Variants in KCTD19 observed in about 807,000 individuals in gnomAD.
The protein encoded by KCTD19 is BTB/POZ domain-containing protein KCTD19.
KCTD19 carries 67 observed loss-of-function variants against 103.5 expected under a neutral mutation model. The ratio of observed to expected loss-of-function variants is 0.65; its 90% confidence interval spans 0.53 to 0.79. The LOEUF (loss-of-function observed/expected upper bound fraction) is 0.79. Ranked by LOEUF, KCTD19 falls within the 30% of genes least tolerant of loss-of-function variation. The probability of loss-of-function intolerance (pLI) is 0.00; values close to 1 mark genes in which losing one functional copy is unlikely to be tolerated. For synonymous variants in KCTD19, 439 were observed against 452.2 expected (o/e 0.97, Z 0.37); for missense variants, 980 against 1,136.1 (o/e 0.86, Z 1.98).
chr16:67,304,473 C>T lies in KCTD19; in HGVS notation c.399G>A (p.Trp133Ter). Residue 133 changes from tryptophan (W) to a stop codon, truncating the protein, a stop_gained, in exon 3 of 16, where the codon TGG becomes TGA. Coordinates refer to ENST00000304372, the MANE Select transcript of KCTD19 (RefSeq NM_001100915.3). LOFTEE classifies it high-confidence loss of function. ...ATTCTGAGGGTTTGCTAATACACTT[C>T]CATGTACGCCAGTAGTTCAGAGATG... ...ERASLNYWRT[W>*]KCISKPSEFP... The T allele has an allele frequency of 6.2e-7, 1 of 1,614,090 alleles. No homozygotes were observed. Among genetic ancestry groups the T allele is most frequent in the Non-Finnish European group, 8.5e-7 (1 of 1,179,946 alleles).
intron 6 of KCTD19, among the ~76,000 whole-genome samples, chr16:67,298,528 G>A (rs1035648065): frequency 2.6e-5 from 4 of 152,040 alleles, no homozygotes; most frequent in African/African-American, 4.8e-5. Context: ...AGCCTGCCAC[G>A]GTCTTGGAAA....
chr16:67,316,158 C>CA (rs1337579658), intron 2 of KCTD19, among the ~76,000 whole-genome samples: 1 of 152,108 alleles, frequency 6.6e-6, no homozygotes, highest in East Asian at 1.9e-4. Flanking sequence ...CCTCCCACCT[C>CA]AGTCTCCTGA....
rs1386200995 is a variant in KCTD19, at chr16:67,296,322, CTTTGGTTAGTAGTGTA to C, written c.1148-79_1148-64del. ...GCCAGAAGGGAAAGCAGGTAGGGCC[CTTTGGTTAGTAGTGTA>C]TTTCACGTTAAGTCTCAATATCTTT... On this transcript the variant is annotated intron_variant, in intron 7 of 15. Coordinates refer to ENST00000304372, the MANE Select transcript of KCTD19 (RefSeq NM_001100915.3). 7 of 1,006,286 alleles carry C rather than the reference CTTTGGTTAGTAGTGTA, an allele frequency of 7.0e-6. No individual in the cohort carries two copies. In the African/African-American group the frequency reaches 1.1e-4, roughly 16 times the overall value. The allele number at this position is 1,006,286 out of a possible 1,614,324, so 62.3% of individuals were successfully genotyped here.
At position 67,294,072 on chromosome 16, in the gene KCTD19, C is replaced by G; in HGVS notation, c.1690G>C (p.Ala564Pro). Residue 564 changes from alanine (A) to proline (P), a missense_variant, in exon 12 of 16, where the codon GCT becomes CCT. Ala to Pro is a conservative substitution (Grantham distance 27). Coordinates refer to ENST00000304372, the MANE Select transcript of KCTD19 (RefSeq NM_001100915.3). ...NLVRSNQMDE[A>P]EQYTRPIQVS... ...TGGATGGGCCGAGTGTACTGCTCAG[C>G]CTCATCCATCTGGTTGGACCTGACC... 1 of 1,614,196 alleles carries G rather than the reference C, an allele frequency of 6.2e-7. No homozygotes were observed. Among genetic ancestry groups the G allele is most frequent in the Non-Finnish European group, 8.5e-7 (1 of 1,180,036 alleles).
intron 2 of KCTD19, among the ~76,000 whole-genome samples, chr16:67,309,465 T>C (rs1001394535): frequency 6.6e-6 from 1 of 152,112 alleles, no homozygotes; most frequent in Non-Finnish European, 1.5e-5. Context: ...AGAAAGGGTT[T>C]AGCTTGGGTC....
At chr16:67,310,176 C>T (rs2036935502) in intron 2 of KCTD19, among the ~76,000 whole-genome samples, 1 of 152,192 alleles carries the variant, frequency 6.6e-6, no homozygotes, top group Admixed American at 6.5e-5. Flanking sequence ...AACCATTCCC[C>T]AGCCCCTCAC....
intron 2 of KCTD19, among the ~76,000 whole-genome samples, chr16:67,308,514 C>T (rs2036917547): frequency 6.6e-6 from 1 of 152,062 alleles, no homozygotes; most frequent in South Asian, 2.1e-4. Flanking sequence ...GTTTACACCC[C>T]ATCATCAGTG....
intron 4 of KCTD19, chr16:67,302,248 A>C: frequency 3.9e-6 from 1 of 256,216 alleles, no homozygotes; most frequent in Non-Finnish European, 7.6e-6. Context: ...GTCATTCCAA[A>C]AGAGGGAGTT....
intron 15 of KCTD19, among the ~76,000 whole-genome samples, chr16:67,290,541 G>C (rs184260603): frequency 2.0e-5 from 3 of 152,350 alleles, no homozygotes; most frequent in East Asian, 3.9e-4. Context: ...ATCGTGGCCA[G>C]ATAGGTGAAG....
At chr16:67,313,247 A>T (rs1315247188) in intron 2 of KCTD19, among the ~76,000 whole-genome samples, 1 of 151,588 alleles carries the variant, frequency 6.6e-6, no homozygotes, top group Admixed American at 6.6e-5. Flanking sequence ...AGTAGCTGGG[A>T]TTACAGGCAC....
intron 1 of KCTD19, among the ~76,000 whole-genome samples, chr16:67,326,337 T>C (rs1218423655): frequency 1.3e-5 from 2 of 151,652 alleles, no homozygotes; most frequent in Admixed American, 1.3e-4. Flanking sequence ...CATCATGCCT[T>C]AGAGTTCTGT....
Position 67,323,257 on chromosome 16 carries a change from T to A in KCTD19, c.4-2372A>T, listed in dbSNP as rs2037095148. Among the ~76,000 whole-genome samples the A allele has an allele frequency of 6.6e-6, 1 of 152,228 alleles. No homozygotes were observed. The highest frequency in any genetic ancestry group is 1.5e-5 in the Non-Finnish European group (1 of 68,038). On this transcript the variant is annotated intron_variant, in intron 1 of 15. Coordinates refer to ENST00000304372, the MANE Select transcript of KCTD19 (RefSeq NM_001100915.3). The surrounding 1 kb of genome is among the most constrained non-coding windows in gnomAD (Gnocchi z 4.1). ...CCACACCAAAATTTCTAGACTAATG[T>A]TCATAGAACATAATAGCCAAAAGGT...
Position 67,293,673 on chromosome 16 carries a change from G to T in KCTD19, c.2089C>A (p.Pro697Thr). 1 of 1,614,028 alleles carries T rather than the reference G, an allele frequency of 6.2e-7. No homozygotes were observed. Among genetic ancestry groups the T allele is most frequent in the Non-Finnish European group, 8.5e-7 (1 of 1,180,008 alleles). Reference protein sequence around the residue: ...KAHSTASEKDPGPQAGAGAGA... With the variant: ...KAHSTASEKDTGPQAGAGAGA... ...GCTCCAGCCCCTGCCTGTGGTCCTG[G>T]ATCCTTCTCTGAGGCTGTGGAATGG... The change falls in exon 12 of 16, where the codon CCA becomes ACA. Residue 697 changes from proline to threonine, a missense_variant. By Grantham distance (38) the Pro-to-Thr change is conservative (BLOSUM62 -1). Transcript: ENST00000304372. This position sits in a 1 kb window ranked among gnomAD's most constrained non-coding sequence, Gnocchi z 4.0.
chr16:67,326,465 C>A (rs2037173153), intron 1 of KCTD19, among the ~76,000 whole-genome samples: 1 of 152,170 alleles, frequency 6.6e-6, no homozygotes, highest in Non-Finnish European at 1.5e-5. Flanking sequence ...GGGGCACACG[C>A]CCAGCCCTCA....
intron 2 of KCTD19, among the ~76,000 whole-genome samples, chr16:67,311,923 T>C (rs2036953812): frequency 6.6e-6 from 1 of 152,240 alleles, no homozygotes; most frequent in Non-Finnish European, 1.5e-5. Flanking sequence ...TATGTCATCC[T>C]CTTCCTTTCC....
intron 2 of KCTD19, among the ~76,000 whole-genome samples, chr16:67,311,571 G>A (rs1007640598): frequency 2.0e-5 from 3 of 152,006 alleles, no homozygotes; most frequent in Non-Finnish European, 2.9e-5. Context: ...CCAGAGTTGG[G>A]ATTACAGGCG....
At chr16:67,298,561 C>T (rs1456938850) in intron 6 of KCTD19, among the ~76,000 whole-genome samples, 2 of 152,158 alleles carry the variant, frequency 1.3e-5, no homozygotes, top group African/African-American at 2.4e-5. Flanking sequence ...TAAACATCAA[C>T]CCCCTTCTCC....
At position 67,290,927 on chromosome 16, in the gene KCTD19, C is replaced by T; in HGVS notation, c.2625G>A (p.Lys875=). The part of the protein sequence containing the change: ...VVDLLAITGF[K]DDRHTQERLY... ...GGCGCTCCTGGGTGTGCCGGTCATC[C>T]TTGAAGCCGGTGATGGCCAGCAAAT... is the stretch of plus-strand genomic sequence containing the variant. Residue 875 remains lysine (K), a synonymous_variant, in exon 15 of 16, where the codon AAG becomes AAA. Transcript: ENST00000304372. 1 of 1,614,064 alleles carries T rather than the reference C, an allele frequency of 6.2e-7. No individual in the cohort carries two copies. The highest frequency in any genetic ancestry group is 8.5e-7 in the Non-Finnish European group (1 of 1,179,976).
In KCTD19 at chr16:67,301,864, T is replaced by C. The variant is rs1322026684; in HGVS notation, c.702A>G (p.Val234=). 6.2e-7 allele frequency: 1 copy of C among 1,613,226 alleles called. No homozygotes were observed. Among genetic ancestry groups the C allele is most frequent in the Non-Finnish European group, 8.5e-7 (1 of 1,179,186 alleles). The change falls in exon 5 of 16, where the codon GTA becomes GTG. Residue 234 remains valine, a synonymous_variant. Coordinates refer to ENST00000304372, the MANE Select transcript of KCTD19 (RefSeq NM_001100915.3). ...LLPDNFSNID[V]LEAEVEILEI... is the part of the protein sequence containing the mutation. ...CCAGAATTTCCACTTCTGCTTCTAA[T>C]ACATCAATGTTGGAGAAATTATCCG...
Sources: gnomAD v4.1 joint callset for allele counts (sites outside exome capture counted in the v4.1 genomes callset) on GRCh38, gnomAD v4.1.1 for gene constraint, Gnocchi (gnomAD v3.1) non-coding constraint, MANE v1.5 for transcripts, NCBI Gene and HGNC (gene_info 2026-07-23, HGNC 2026-07-21) for gene names.